The following ZBTB8OS variants were observed in gnomAD, a reference collection of about 807,000 sequenced individuals.
ZBTB8OS encodes the protein tRNA-splicing ligase-activating factor archease.
Under a neutral mutation model 29.3 loss-of-function variants are expected in ZBTB8OS, and 16 were observed. That is an observed-to-expected ratio of 0.55 (90% CI 0.37 to 0.83). ZBTB8OS has a LOEUF of 0.83. ZBTB8OS is among the 40% of genes least tolerant of loss of function. ZBTB8OS has a pLI of 0.00. For synonymous variants in ZBTB8OS, 70 were observed against 64.6 expected, an observed-to-expected ratio of 1.08 and a Z score of -0.40; for missense variants, 160 against 196.9, an observed-to-expected ratio of 0.81 and a Z score of 1.12.
intron 1 of ZBTB8OS, among the ~76,000 whole-genome samples, chr1:32,641,329 A>G (rs1008987543): frequency 4.4e-5 from 6 of 136,992 alleles, no homozygotes; most frequent in Non-Finnish European, 9.1e-5. Flanking sequence ...GCTGGAGTGC[A>G]ATGGCGCGAT....
At chr1:32,643,588 CG>C (rs1350630950) in intron 1 of ZBTB8OS, among the ~76,000 whole-genome samples, 2 of 151,664 alleles carry the variant, frequency 1.3e-5, no homozygotes, top group African/African-American at 4.8e-5. Context: ...CCCTGCCTCC[CG>C]GGTTCAAGCT....
chr1:32,630,084 A>C (rs1057077786), intron 5 of ZBTB8OS, among the ~76,000 whole-genome samples: 7 of 152,130 alleles, frequency 4.6e-5, no homozygotes, highest in African/African-American at 1.7e-4. Flanking sequence ...AAACAACAAA[A>C]AACAAAACAA....
chr1:32,650,317 G>C, intron 1 of ZBTB8OS, 116 bp downstream of exon 1: 1 of 1,364,960 alleles, frequency 7.3e-7, no homozygotes, highest in Non-Finnish European at 1.0e-6. Context: ...GGCACAAATG[G>C]GATCATGCCT....
rs1252724097 is a variant in ZBTB8OS at position 32,620,938 on chromosome 1, A to G, written c.*924T>C. On this transcript the variant is annotated 3_prime_UTR_variant, in exon 7 of 7. Transcript: ENST00000468695. The stretch of plus-strand genomic sequence containing the variant: ...CATAGTATTGACTTTTTCTTATGAG[A>G]AAACAGGAAATATCATTAGTGCTTT... The G allele has an allele frequency of 6.6e-6, 1 of 152,242 alleles. No homozygotes were observed. Among genetic ancestry groups the G allele is most frequent in the Non-Finnish European group, 1.5e-5 (1 of 68,050 alleles). The allele number at this position is 152,242 out of a possible 1,614,324, so 9.4% of individuals were successfully genotyped here.
At chr1:32,626,285 C>CCATATAGCAT (rs1645128024) in intron 6 of ZBTB8OS, among the ~76,000 whole-genome samples, 1 of 152,144 alleles carries the variant, frequency 6.6e-6, no homozygotes, top group African/African-American at 2.4e-5. Context: ...ACATGCTGTA[C>CCATATAGCAT]AGGTTCATAG....
chr1:32,641,235 C>T (rs1011793328), intron 1 of ZBTB8OS, among the ~76,000 whole-genome samples: 2 of 149,644 alleles, frequency 1.3e-5, no homozygotes, highest in East Asian at 3.9e-4. Context: ...GAAAAACGGA[C>T]CTAGTTCAGC....
intron 1 of ZBTB8OS, among the ~76,000 whole-genome samples, chr1:32,647,436 CA>C (rs71006349): frequency 0.95 from 116,194 of 121,896 alleles, 55,443 homozygotes; most frequent in East Asian, 0.99. Flanking sequence ...GACTCTGTCT[CA>C]AAAAAAAAAA....
intron 1 of ZBTB8OS, among the ~76,000 whole-genome samples, chr1:32,647,085 G>C (rs2148477235): frequency 6.9e-6 from 1 of 145,216 alleles, no homozygotes; most frequent in South Asian, 2.2e-4. Flanking sequence ...GCCAGGCGTG[G>C]TGGCTTACGC....
intron 1 of ZBTB8OS, among the ~76,000 whole-genome samples, chr1:32,636,648 C>T (rs1003691255): frequency 2.0e-5 from 3 of 151,006 alleles, no homozygotes; most frequent in Non-Finnish European, 4.4e-5. Flanking sequence ...CAAGATCGCG[C>T]CACTGCATTC....
At chr1:32,643,191 C>A (rs1275062416) in intron 1 of ZBTB8OS, among the ~76,000 whole-genome samples, 1 of 151,322 alleles carries the variant, frequency 6.6e-6, no homozygotes, top group African/African-American at 2.4e-5. Context: ...CTGCCTCAGC[C>A]TCCCAAGTAA....
chr1:32,641,496 C>T (rs61781248), intron 1 of ZBTB8OS, among the ~76,000 whole-genome samples: 122,515 of 148,076 alleles, frequency 0.83, 53,141 homozygotes, highest in Non-Finnish European at 0.96. Context: ...TGGTCTCGAA[C>T]TCCCAATCTC....
At chr1:32,647,856 G>A (rs746168791) in intron 1 of ZBTB8OS, among the ~76,000 whole-genome samples, 4 of 152,054 alleles carry the variant, frequency 2.6e-5, no homozygotes, top group Non-Finnish European at 5.9e-5. Context: ...GAAATAAAAT[G>A]CACAATAAAT....
At position 32,631,897 on chromosome 1, in the gene ZBTB8OS, T is replaced by G; in HGVS notation, c.328-18A>C. On this transcript the variant is annotated intron_variant, in intron 4 of 6. Transcript: ENST00000468695. ...TTCACTTCCTAGACAGGAAGAAAAA[T>G]TTTTTAATTAAAAAAAGTTCATAAT... The G allele has an allele frequency of 6.8e-7, 1 of 1,463,580 alleles. No individual in the cohort carries two copies. The highest frequency in any genetic ancestry group is 9.2e-7 in the Non-Finnish European group (1 of 1,091,232). 90.7% of individuals were successfully genotyped at this position (1,463,580 alleles called of 1,614,324 possible). A position where few individuals can be genotyped will look rare whatever the true frequency, so the allele number is the denominator to read the frequency against.
At chr1:32,636,131 G>GA (rs1271022322) in intron 1 of ZBTB8OS, among the ~76,000 whole-genome samples, 2 of 152,058 alleles carry the variant, frequency 1.3e-5, no homozygotes, top group Admixed American at 6.6e-5. Context: ...AAGACAGCAA[G>GA]AAAAACTCAC....
chr1:32,649,961 G>A (rs1313886281), intron 1 of ZBTB8OS, among the ~76,000 whole-genome samples: 1 of 152,070 alleles, frequency 6.6e-6, no homozygotes, highest in East Asian at 1.9e-4. Flanking sequence ...ACCGAGCCCG[G>A]CCTAAAATAA....
At chr1:32,634,186 A>G in intron 2 of ZBTB8OS, 114 bp from the exon 3 acceptor site, 1 of 943,428 alleles carries the variant, frequency 1.1e-6, no homozygotes, top group South Asian at 3.3e-5. Flanking sequence ...TAAGGCCTCA[A>G]TCAATTTAAC....
Position 32,643,070 on chromosome 1 carries a change from C to CTTT in ZBTB8OS, c.97+7360_97+7362dup, listed in dbSNP as rs71006346. On this transcript the variant is annotated intron_variant, in intron 1 of 6. Coordinates refer to ENST00000468695, the MANE Select transcript of ZBTB8OS (RefSeq NM_178547.5). ...ACAGACGTGAGCCACCGTGCCTGGC[C>CTTT]TTTTTTTTTTTTTTTTTGAGATAGA... 1.0e-3 allele frequency among the ~76,000 whole-genome samples: 110 copies of CTTT among 107,480 alleles called. 1 individual carries two copies. The highest frequency in any genetic ancestry group is 1.6e-3 in the African/African-American group (45 of 27,888). 70.5% of individuals were successfully genotyped at this position (107,480 alleles called of 152,430 possible). A position where few individuals can be genotyped will look rare whatever the true frequency, so the allele number is the denominator to read the frequency against.
At chr1:32,645,375 G>A (rs1415496223) in intron 1 of ZBTB8OS, among the ~76,000 whole-genome samples, 1 of 151,998 alleles carries the variant, frequency 6.6e-6, no homozygotes, top group Non-Finnish European at 1.5e-5. Flanking sequence ...GCCAGGCATA[G>A]ACAGTAGTCC....
chr1:32,646,806 G>A (rs186155084), intron 1 of ZBTB8OS, among the ~76,000 whole-genome samples: 5 of 150,430 alleles, frequency 3.3e-5, no homozygotes, highest in African/African-American at 1.2e-4. Context: ...GGAGGCTCAG[G>A]TGGGCGGATC....
Sources: allele counts gnomAD v4.1 joint callset (sites outside exome capture counted in the v4.1 genomes callset), GRCh38; gene constraint gnomAD v4.1.1; transcripts MANE v1.5; gene names NCBI Gene and HGNC (gene_info 2026-07-23, HGNC 2026-07-21).